The following KCNK2 variants were observed in gnomAD, a reference collection of about 807,000 sequenced individuals.
The protein encoded by KCNK2 is potassium two pore domain channel subfamily K member 2, also known as potassium channel subfamily K member 2.
In KCNK2, 21 loss-of-function variants were observed where a neutral mutation model predicts 40.5. That is an observed-to-expected ratio of 0.52 (90% CI 0.37 to 0.75). KCNK2 has a LOEUF of 0.75. Ranked by LOEUF, KCNK2 falls within the 30% of genes least tolerant of loss-of-function variation. The probability of loss-of-function intolerance (pLI) is 0.00; values close to 1 mark genes in which losing one functional copy is unlikely to be tolerated. For synonymous variants in KCNK2, 191 were observed against 202.2 expected, an observed-to-expected ratio of 0.94 and a Z score of 0.47; for missense variants, 399 against 531.6, an observed-to-expected ratio of 0.75 and a Z score of 2.45.
intron 1 of KCNK2, among the ~76,000 whole-genome samples, chr1:215,061,398 C>A (rs1016200804): frequency 2.0e-5 from 3 of 151,636 alleles, no homozygotes; most frequent in Non-Finnish European, 2.9e-5. Flanking sequence ...TGGTTTATTT[C>A]TTTTTCAAAT....
At chr1:215,025,566 C>T (rs1248142943) in intron 1 of KCNK2, among the ~76,000 whole-genome samples, 1 of 152,012 alleles carries the variant, frequency 6.6e-6, no homozygotes, top group Non-Finnish European at 1.5e-5. Flanking sequence ...AAGTTTATGT[C>T]ACATTATATA....
intron 2 of KCNK2, among the ~76,000 whole-genome samples, chr1:215,087,316 G>A (rs1356879727): frequency 2.0e-5 from 3 of 152,182 alleles, no homozygotes; most frequent in Non-Finnish European, 4.4e-5. Flanking sequence ...CCAGCTAAGA[G>A]AAATTTACTA....
At chr1:215,221,839 T>A (rs1475274751) in intron 6 of KCNK2, among the ~76,000 whole-genome samples, 1 of 152,234 alleles carries the variant, frequency 6.6e-6, no homozygotes, top group Admixed American at 6.5e-5. Flanking sequence ...AAATTCAGTA[T>A]CCTCATCTAT....
chr1:215,083,194 T>TCCCCCC lies in KCNK2; in HGVS notation c.-188_-183dup, dbSNP rs201482650. 223 of 502,512 alleles carry TCCCCCC rather than the reference T, an allele frequency of 4.4e-4. 13 individuals carry two copies. The highest frequency in any genetic ancestry group is 1.9e-3 in the South Asian group (93 of 49,360). The allele number at this position is 502,512 out of a possible 1,614,324, so 31.1% of individuals were successfully genotyped here. ...CCCGCGATTTCGTTTCTTCTCACGC[T>TCCCCCC]CCCCCCCCCGCCCCCTCCCGCGTCC... is the stretch of plus-strand genomic sequence containing the variant. On this transcript the variant is annotated 5_prime_UTR_variant, in exon 1 of 7. Coordinates refer to ENST00000444842, the MANE Select transcript of KCNK2 (RefSeq NM_001017425.3).
intron 6 of KCNK2, among the ~76,000 whole-genome samples, chr1:215,198,121 T>G (rs575534466): frequency 3.2e-4 from 49 of 152,354 alleles, no homozygotes; most frequent in Middle Eastern, 3.4e-3. Context: ...TCATGCTAGT[T>G]AAACATTGCA....
At chr1:215,072,268 A>G (rs564115142) in intron 1 of KCNK2, among the ~76,000 whole-genome samples, 4 of 152,268 alleles carry the variant, frequency 2.6e-5, no homozygotes, top group African/African-American at 9.6e-5. Flanking sequence ...TTTGTATAGG[A>G]AAGAGGTTTA....
chr1:215,024,561 A>AT (rs373988591), intron 1 of KCNK2, among the ~76,000 whole-genome samples: 4 of 151,592 alleles, frequency 2.6e-5, no homozygotes, highest in Admixed American at 2.0e-4. Context: ...TTTTGCCATA[A>AT]TTTTTTTTTC....
At chr1:215,218,894 G>T (rs924129064) in intron 6 of KCNK2, among the ~76,000 whole-genome samples, 12 of 152,166 alleles carry the variant, frequency 7.9e-5, no homozygotes, top group Non-Finnish European at 1.6e-4. Flanking sequence ...AATGTTAAAT[G>T]ATGAGTATGA....
chr1:215,169,959 A>C (rs1454665824), intron 4 of KCNK2, among the ~76,000 whole-genome samples: 1 of 151,962 alleles, frequency 6.6e-6, no homozygotes, highest in African/African-American at 2.4e-5. Flanking sequence ...TTTAAATTTC[A>C]TATGTAGTGT....
intron 1 of KCNK2, among the ~76,000 whole-genome samples, chr1:215,063,178 G>T (rs749105041): frequency 3.9e-5 from 6 of 152,164 alleles, no homozygotes; most frequent in Non-Finnish European, 7.3e-5. Context: ...CTGGGAACTA[G>T]GGTACTGCAG....
intron 3 of KCNK2, among the ~76,000 whole-genome samples, chr1:215,128,536 G>A (rs1661534033): frequency 6.6e-6 from 1 of 151,634 alleles, no homozygotes; most frequent in South Asian, 2.1e-4. Context: ...ATAATCAAAT[G>A]TAACACAGAG....
chr1:215,216,374 T>C (rs1262730152), intron 6 of KCNK2, among the ~76,000 whole-genome samples: 1 of 147,604 alleles, frequency 6.8e-6, no homozygotes, highest in African/African-American at 2.5e-5. Flanking sequence ...AGATAATATA[T>C]AATATATATT....
intron 3 of KCNK2, among the ~76,000 whole-genome samples, chr1:215,164,205 G>A (rs574074233): frequency 4.6e-5 from 7 of 152,260 alleles, no homozygotes; most frequent in Non-Finnish European, 7.4e-5. Flanking sequence ...GTGTATTTGC[G>A]TAGCGGTGTT....
chr1:215,042,434 A>G lies in KCNK2; in HGVS notation c.34+36479A>G, dbSNP rs76941218. ...AGGTTCATGGAGGAAGTAGAGTGTCATAGGATGGGTCAGTGATAAAGTCTG... is the reference window on the plus strand; with the variant it reads ...AGGTTCATGGAGGAAGTAGAGTGTCGTAGGATGGGTCAGTGATAAAGTCTG... On this transcript the variant is annotated intron_variant, in intron 1 of 6. Coordinates refer to the KCNK2 transcript ENST00000391895. Among the ~76,000 whole-genome samples the G allele has an allele frequency of 9.8e-4, 150 of 152,296 alleles. 1 individual carries two copies. Among genetic ancestry groups the G allele is most frequent in the African/African-American group, 3.0e-3 (123 of 41,558 alleles).
At chr1:215,231,401 C>G (rs998612740) in intron 6 of KCNK2, among the ~76,000 whole-genome samples, 6 of 151,836 alleles carry the variant, frequency 4.0e-5, no homozygotes, top group African/African-American at 1.5e-4. Context: ...TAATACAGGT[C>G]TATGTCATGA....
chr1:215,147,922 T>G (rs527441515), intron 3 of KCNK2, among the ~76,000 whole-genome samples: 1 of 152,258 alleles, frequency 6.6e-6, no homozygotes, highest in East Asian at 1.9e-4. Context: ...TTAGGTTGCT[T>G]ATTGAGGGCA....
intron 6 of KCNK2, among the ~76,000 whole-genome samples, chr1:215,210,561 T>C (rs546597760): frequency 6.6e-6 from 1 of 152,182 alleles, no homozygotes; most frequent in South Asian, 2.1e-4. Context: ...GGAGTACTCA[T>C]TGATTTGTTT....
At chr1:215,121,397 T>C (rs776992219) in intron 2 of KCNK2, among the ~76,000 whole-genome samples, 52 of 152,128 alleles carry the variant, frequency 3.4e-4, no homozygotes, top group Non-Finnish European at 6.2e-4. Flanking sequence ...TTCTCCCACC[T>C]CAGCCTCCCT....
In KCNK2 at chr1:215,188,216, T is replaced by C. The variant is rs118160764; in HGVS notation, c.824-6737T>C. ...TAGTTTTGAATGCTTACCAGGTCAG[T>C]CAGGCTTCCTGCTTAGTACCCTGTG... On this transcript the variant is annotated intron_variant, in intron 5 of 6. Transcript: ENST00000444842. 1.7e-3 allele frequency among the ~76,000 whole-genome samples: 255 copies of C among 152,316 alleles called. No individual in the cohort carries two copies. In the East Asian group the frequency reaches 0.037, roughly 22 times the overall value.
Sources: allele counts gnomAD v4.1 joint callset (sites outside exome capture counted in the v4.1 genomes callset), GRCh38; gene constraint gnomAD v4.1.1; transcripts MANE v1.5; gene names NCBI Gene and HGNC (gene_info 2026-07-23, HGNC 2026-07-21).